KHSRP: variants seen among roughly 807,000 people sequenced by gnomAD.
KHSRP encodes the protein far upstream element-binding protein 2.
Under a neutral mutation model 94.9 loss-of-function variants are expected in KHSRP, and 13 were observed. The ratio of observed to expected loss-of-function variants is 0.14; its 90% CI spans 0.09 to 0.22. KHSRP has a LOEUF of 0.22. Ranked by LOEUF, KHSRP falls within the 10% of genes least tolerant of loss-of-function variation. The probability of loss-of-function intolerance (pLI) is 1.00; values close to 1 mark genes in which losing one functional copy is unlikely to be tolerated. For synonymous variants in KHSRP, 495 were observed against 401.4 expected, an observed-to-expected ratio of 1.23 and a Z score of -2.79; for missense variants, 710 against 1,010.0, an observed-to-expected ratio of 0.70 and a Z score of 4.03.
Position 6,414,491 on chromosome 19 carries a change from G to A in KHSRP, c.*533C>T. On this transcript the variant is annotated 3_prime_UTR_variant, in exon 19 of 19. Transcript: ENST00000600480. ...GGTGTCCCCACAACACCCCTGTGAG[G>A]TAGGTTGGAAGGTGGCAACGATCTT... The A allele has an allele frequency of 9.2e-7, 1 of 1,085,768 alleles. No individual in the cohort carries two copies. Among genetic ancestry groups the A allele is most frequent in the Non-Finnish European group, 1.1e-6 (1 of 894,384 alleles). 67.3% of individuals were successfully genotyped at this position (1,085,768 alleles called of 1,614,324 possible). A position where few individuals can be genotyped will look rare whatever the true frequency, so the allele number is the denominator to read the frequency against.
Position 6,418,050 on chromosome 19 carries a change from G to A in KHSRP, c.909C>T (p.Leu303=). The change falls in exon 10 of 19, where the codon CTC becomes CTT. Residue 303 remains leucine (L), a synonymous_variant. Coordinates refer to ENST00000600480, the MANE Select transcript of KHSRP (RefSeq NM_001366299.1). The surrounding 1 kb of genome is among the most constrained non-coding windows in gnomAD (Gnocchi z 4.3). ...CAAAGCCGCCTTGGTCACGTTCCCGGAGGATGTCCATCACCATCTCACAGG... is the reference window on the plus strand; with the variant it reads ...CAAAGCCGCCTTGGTCACGTTCCCGAAGGATGTCCATCACCATCTCACAGG... ...QQACEMVMDI[L]RERDQGGFGD... 6.2e-7 allele frequency: 1 copy of A among 1,613,942 alleles called. No homozygotes were observed. Among genetic ancestry groups the A allele is most frequent in the Middle Eastern group, 1.6e-4 (1 of 6,062 alleles).
Position 6,422,258 on chromosome 19 carries a change from C to T in KHSRP, c.346+82G>A, listed in dbSNP as rs553822867. ...GACCAAACAACAGTGACACCCACCC[C>T]CTCTGAACCACACTCAAACAAAAGC... On this transcript the variant is annotated intron_variant, in intron 2 of 18. Coordinates refer to ENST00000600480, the MANE Select transcript of KHSRP (RefSeq NM_001366299.1). 41 of 889,444 alleles carry T rather than the reference C, an allele frequency of 4.6e-5. 1 individual carries two copies. In the Admixed American group the frequency reaches 7.3e-4, roughly 16 times the overall value. The allele number at this position is 889,444 out of a possible 1,614,324, so 55.1% of individuals were successfully genotyped here.
chr19:6,413,432 T>C lies in KHSRP; in HGVS notation c.*1592A>G. The stretch of plus-strand genomic sequence containing the variant: ...CATACAATTTTTTTTGTTGTTCTCA[T>C]TTTGTTTTCAGTTTCAATCTCCTCT... On this transcript the variant is annotated 3_prime_UTR_variant, in exon 19 of 19. Transcript: ENST00000600480. 2.4e-6 allele frequency: 1 copy of C among 410,704 alleles called. No homozygotes were observed. Among genetic ancestry groups the C allele is most frequent in the African/African-American group, 2.1e-5 (1 of 46,588 alleles). 25.4% of individuals were successfully genotyped at this position (410,704 alleles called of 1,614,324 possible). A position where few individuals can be genotyped will look rare whatever the true frequency, so the allele number is the denominator to read the frequency against.
intron 3 of KHSRP, 141 bp from the exon 4 acceptor site, chr19:6,421,458 TC>T: frequency 2.9e-6 from 3 of 1,017,956 alleles, no homozygotes; most frequent in African/African-American, 1.6e-5. Flanking sequence ...TGTGGATTCC[TC>T]CCCATAAAAG....
Position 6,416,589 on chromosome 19 carries a change from C to A in KHSRP, c.1389G>T (p.Gln463His). The A allele has an allele frequency of 6.2e-7, 1 of 1,613,850 alleles. No individual in the cohort carries two copies. The change falls in exon 14 of 19, where the codon CAG (glutamine) becomes CAT (histidine). Residue 463 changes from glutamine to histidine, a missense_variant. Coordinates refer to ENST00000600480, the MANE Select transcript of KHSRP (RefSeq NM_001366299.1). ...AGTTGGGGTCCCCGTTGGGTGGCAG[C>A]TGCCGGGAGATCTCTACGAAGGCTC... ...QTGAFVEISRQLPPNGDPNFK... is the reference protein window; with the variant it reads ...QTGAFVEISRHLPPNGDPNFK...
At chr19:6,416,216 G>C in intron 15 of KHSRP, 82 bp downstream of exon 15, 1 of 1,191,294 alleles carries the variant, frequency 8.4e-7, no homozygotes, top group South Asian at 1.4e-5. Context: ...CACTTCTAGG[G>C]AAAGGGAAAT....
chr19:6,423,873 G>C (rs550520471), intron 1 of KHSRP, among the ~76,000 whole-genome samples: 1 of 152,138 alleles, frequency 6.6e-6, no homozygotes, highest in African/African-American at 2.4e-5. Flanking sequence ...TTCCCCCAAA[G>C]AGACAGACCA....
chr19:6,417,866 G>A (rs1168199766), intron 10 of KHSRP, 25 bp from the exon 11 acceptor site: 1 of 1,608,704 alleles, frequency 6.2e-7, no homozygotes, highest in Non-Finnish European at 8.5e-7. Context: ...AGCAGCGTCA[G>A]CTCGGCCCGC....
rs752889401 is a variant in KHSRP at position 6,416,702 on chromosome 19, G to A, written c.1327+36C>T. 52 of 1,611,660 alleles carry A rather than the reference G, an allele frequency of 3.2e-5. No individual in the cohort carries two copies. In the South Asian group the frequency reaches 5.2e-4, roughly 16 times the overall value. ...GCCTGCAGTGATGGCCCAGGGAAGA[G>A]GGGGCAAGGGATAGGGTGCAGGGGG... On this transcript the variant is annotated intron_variant, in intron 13 of 18. Coordinates refer to ENST00000600480, the MANE Select transcript of KHSRP (RefSeq NM_001366299.1).
intron 6 of KHSRP, among the ~76,000 whole-genome samples, 176 bp from the exon 7 acceptor site, chr19:6,419,436 TG>T (rs1412932305): frequency 6.6e-6 from 1 of 152,156 alleles, no homozygotes; most frequent in Admixed American, 6.5e-5. Context: ...AGGCCAAGGT[TG>T]GGAAGAGATC....
chr19:6,418,728 C>T lies in KHSRP; in HGVS notation c.754G>A (p.Gly252Ser), dbSNP rs776645004. The stretch of plus-strand genomic sequence containing the variant: ...TGCAGCTGCTTAATGGTCTCCCCGC[C>T]CTTGCCAATGACCAGGCCGGCCTTG... Reference protein sequence around the residue: ...AGKAGLVIGKGGETIKQLQER... With the variant: ...AGKAGLVIGKSGETIKQLQER... Residue 252 changes from glycine (G) to serine (S), a missense_variant, in exon 8 of 19, where the codon GGC (glycine) becomes AGC (serine). Gly to Ser is a moderately conservative substitution (Grantham distance 56). Around this residue, in one of 5 missense-constraint regions of KHSRP, gnomAD observed 288 missense variants for 501.1 expected, o/e 0.57. Coordinates refer to ENST00000600480, the MANE Select transcript of KHSRP (RefSeq NM_001366299.1). The surrounding 1 kb of genome is among the most constrained non-coding windows in gnomAD (Gnocchi z 4.3). The T allele has an allele frequency of 6.2e-7, 1 of 1,613,714 alleles. No individual in the cohort carries two copies. The highest frequency in any genetic ancestry group is 1.1e-5 in the South Asian group (1 of 91,072).
chr19:6,415,830 C>A lies in KHSRP; in HGVS notation c.1665G>T (p.Gln555His). 1 of 1,575,060 alleles carries A rather than the reference C, an allele frequency of 6.3e-7. No individual in the cohort carries two copies. Among genetic ancestry groups the A allele is most frequent in the Non-Finnish European group, 8.6e-7 (1 of 1,161,226 alleles). ...TACTTGGGTCATGAGGAGCAGGCGG[C>A]TGCCACTGGGGGTAGGTATTGCCCC... Reference protein sequence around the residue: ...QGWGNTYPQWQPPAPHDPSKA... With the variant: ...QGWGNTYPQWHPPAPHDPSKA... Residue 555 changes from glutamine (Q) to histidine (H), a missense_variant, in exon 16 of 19, where the codon CAG (glutamine) becomes CAT (histidine). Physicochemically the swap from Gln to His is conservative, Grantham distance 24. Transcript: ENST00000600480.
chr19:6,417,597 G>A (rs1254842113), intron 11 of KHSRP, 142 bp downstream of exon 11: 2 of 659,390 alleles, frequency 3.0e-6, no homozygotes, highest in East Asian at 2.7e-5. Context: ...GAAGGGACTG[G>A]CCATGTTCTG....
intron 11 of KHSRP, 102 bp from the exon 12 acceptor site, chr19:6,417,189 A>T: frequency 1.2e-6 from 1 of 861,146 alleles, no homozygotes; most frequent in Admixed American, 2.8e-5. Flanking sequence ...CCGGCCTGAG[A>T]TCTCAGACGC....
At position 6,413,401 on chromosome 19, in the gene KHSRP, A is replaced by G; in HGVS notation, c.*1623T>C. 1 of 417,064 alleles carries G rather than the reference A, an allele frequency of 2.4e-6. No individual in the cohort carries two copies. Among genetic ancestry groups the G allele is most frequent in the East Asian group, 8.9e-5 (1 of 11,266 alleles). The allele number at this position is 417,064 out of a possible 1,614,324, so 25.8% of individuals were successfully genotyped here. On this transcript the variant is annotated 3_prime_UTR_variant, in exon 19 of 19. Transcript: ENST00000600480. ...TTAAAAACGAGCGATAAAAAGTAAA[A>G]ACTGCCATACAATTTTTTTTGTTGT...
In KHSRP at chr19:6,417,823, A is replaced by T. The variant is rs1415963775; in HGVS notation, c.997T>A (p.Ser333Thr). Reference protein sequence around the residue: ...GGIDVPVPRHSVGVVIGRSGE... With the variant: ...GGIDVPVPRHTVGVVIGRSGE... ...CTCCGGCCAATGACCACGCCAACAGAATGCCTGGGCACTGGCACCTGGGGA... is the reference window on the plus strand; with the variant it reads ...CTCCGGCCAATGACCACGCCAACAGTATGCCTGGGCACTGGCACCTGGGGA... The change falls in exon 11 of 19, where the codon TCT (serine) becomes ACT (threonine). Residue 333 changes from serine (S) to threonine (T), a missense_variant. Physicochemically the swap from Ser to Thr is moderately conservative, Grantham distance 58 (BLOSUM62 1). Around this residue, in one of 5 missense-constraint regions of KHSRP, gnomAD observed 288 missense variants for 501.1 expected, o/e 0.57. Coordinates refer to ENST00000600480, the MANE Select transcript of KHSRP (RefSeq NM_001366299.1). 6.2e-7 allele frequency: 1 copy of T among 1,613,788 alleles called. No homozygotes were observed.
rs1378007462 is a variant in KHSRP, at chr19:6,413,307, GGGAA to G, written c.*1713_*1716del. 1.2e-5 allele frequency: 3 copies of G among 258,352 alleles called. No homozygotes were observed. Among genetic ancestry groups the G allele is most frequent in the African/African-American group, 4.7e-5 (2 of 42,678 alleles). 16.0% of individuals were successfully genotyped at this position (258,352 alleles called of 1,614,324 possible). On this transcript the variant is annotated 3_prime_UTR_variant, in exon 19 of 19. Coordinates refer to ENST00000600480, the MANE Select transcript of KHSRP (RefSeq NM_001366299.1). ...AACATCCGCTTCAAAACTACAGGGA[GGGAA>G]GGAAAGGGGGGGAGACAGACAGCAC...
In KHSRP at chr19:6,414,442, C is replaced by A. The variant is rs367805329; in HGVS notation, c.*582G>T. The A allele has an allele frequency of 4.1e-6, 5 of 1,209,518 alleles. No individual in the cohort carries two copies. The highest frequency in any genetic ancestry group is 5.2e-6 in the Non-Finnish European group (5 of 969,234). 74.9% of individuals were successfully genotyped at this position (1,209,518 alleles called of 1,614,324 possible). A position where few individuals can be genotyped will look rare whatever the true frequency, so the allele number is the denominator to read the frequency against. ...GGCGGTGGCTCCCGGCGCAGCACGA[C>A]GACATGAACAATCCAGAGATCATGG... On this transcript the variant is annotated 3_prime_UTR_variant, in exon 19 of 19. Transcript: ENST00000600480.
Position 6,416,891 on chromosome 19 carries a change from C to T in KHSRP, c.1183-9G>A, listed in dbSNP as rs1003198351. On this transcript the variant is annotated splice_polypyrimidine_tract_variant and intron_variant, in intron 12 of 18. Transcript: ENST00000600480. ...GGACCTGGGGGACCACTCTGCAAGA[C>T]AAGAGGAGGAGGAGGATGATGAACC... 1.2e-6 allele frequency: 2 copies of T among 1,611,896 alleles called. No homozygotes were observed. The highest frequency in any genetic ancestry group is 2.7e-5 in the African/African-American group (2 of 74,874).
Sources: allele counts gnomAD v4.1 joint callset (sites outside exome capture counted in the v4.1 genomes callset), GRCh38; gene constraint gnomAD v4.1.1; regional missense constraint gnomAD v4.1.1; non-coding constraint Gnocchi (gnomAD v3.1); transcripts MANE v1.5; gene names NCBI Gene and HGNC (gene_info 2026-07-23, HGNC 2026-07-21).